Variants in GFAP observed in about 807,000 individuals in gnomAD.
The protein encoded by GFAP is glial fibrillary acidic protein.
A neutral mutation model predicts 49.3 loss-of-function variants in GFAP; 38 were observed. The observed-to-expected ratio is 0.77, with a 90% CI of 0.60 to 1.01. GFAP has a LOEUF of 1.01. Among genes scored for constraint, GFAP ranks in the 50% least tolerant of loss-of-function variants. The probability of loss-of-function intolerance (pLI) is 0.00; values close to 1 mark genes in which losing one functional copy is unlikely to be tolerated. For missense variants in GFAP, 463 were observed against 579.1 expected (o/e 0.80, Z 2.06); for synonymous variants, 222 against 236.4 (o/e 0.94, Z 0.56).
intron 6 of GFAP, 68 bp from the exon 7 acceptor site, chr17:44,910,726 G>C (rs1012830637): frequency 6.4e-7 from 1 of 1,551,146 alleles, no homozygotes; most frequent in Non-Finnish European, 8.7e-7. Flanking sequence ...GTCTTGGTGC[G>C]GGGCCATCAT....
chr17:44,911,492 G>A (rs760144454), intron 5 of GFAP, 36 bp from the exon 6 acceptor site: 123 of 1,571,974 alleles, frequency 7.8e-5, no homozygotes, highest in Non-Finnish European at 9.1e-5. Context: ...GCGGAGCCCC[G>A]ACCCGACTTG....
chr17:44,904,981 C>T lies in GFAP; in HGVS notation c.*2366G>A, dbSNP rs1398233084. On this transcript the variant is annotated 3_prime_UTR_variant, in exon 9 of 9. Coordinates refer to ENST00000588735, the MANE Select transcript of GFAP (RefSeq NM_002055.5). ...CGGCTGTGGAGCTCACCCTGATAGG[C>T]TACCTGCTCATCACAGCAGTCTTTG... 2.7e-5 allele frequency: 42 copies of T among 1,550,816 alleles called. No individual in the cohort carries two copies. Among genetic ancestry groups the T allele is most frequent in the Non-Finnish European group, 3.6e-5 (41 of 1,147,042 alleles).
At position 44,903,159 on chromosome 17, in the gene GFAP, T is replaced by C. The variant is rs1316833535; in HGVS notation, c.*4188A>G. 4 of 1,258,818 alleles carry C rather than the reference T, an allele frequency of 3.2e-6. No homozygotes were observed. The highest frequency in any genetic ancestry group is 4.0e-6 in the Non-Finnish European group (4 of 1,003,450). The allele number at this position is 1,258,818 out of a possible 1,614,324, so 78.0% of individuals were successfully genotyped here. A position where few individuals can be genotyped will look rare whatever the true frequency, so the allele number is the denominator to read the frequency against. On this transcript the variant is annotated 3_prime_UTR_variant, in exon 9 of 9. Transcript: ENST00000588735. ...CTATACCAGTTACAGCCTCCACTCA[T>C]AAAAGGGAAAAAGCAAAATCTTTAT...
At chr17:44,908,319 C>T (rs2051686586) in intron 7 of GFAP, 170 bp from the exon 8 acceptor site, 1 of 415,852 alleles carries the variant, frequency 2.4e-6, no homozygotes, top group Admixed American at 4.2e-5. Flanking sequence ...CCCCCAAATC[C>T]CAATAGTGCT....
rs376176156 is a variant in GFAP at position 44,904,678 on chromosome 17, T to C, written c.*2669A>G. 1.9e-3 allele frequency: 2,998 copies of C among 1,550,576 alleles called. 49 individuals are homozygous for C. In the South Asian group the frequency reaches 0.021, roughly 11 times the overall value. Reference sequence around the variant, plus strand: ...AGTTCCACCAGCAGAGACTGGGCCATGGACTCATCATCTCCTGTCCTGGGG... The same window carrying C: ...AGTTCCACCAGCAGAGACTGGGCCACGGACTCATCATCTCCTGTCCTGGGG... On this transcript the variant is annotated 3_prime_UTR_variant, in exon 9 of 9. Transcript: ENST00000588735.
chr17:44,904,399 C>G lies in GFAP; in HGVS notation c.*2948G>C. The stretch of plus-strand genomic sequence containing the variant: ...GAGTGCGTGGGGAGCAGTGGCGCAT[C>G]GGCCTCTGCTACCTGCAGAGCCCAG... On this transcript the variant is annotated 3_prime_UTR_variant, in exon 9 of 9. Transcript: ENST00000588735. 1 of 1,542,044 alleles carries G rather than the reference C, an allele frequency of 6.5e-7. No homozygotes were observed. Among genetic ancestry groups the G allele is most frequent in the Non-Finnish European group, 8.8e-7 (1 of 1,140,688 alleles).
At position 44,911,582 on chromosome 17, in the gene GFAP, A is replaced by G; in HGVS notation, c.906+90T>C. 16 of 1,583,202 alleles carry G rather than the reference A, an allele frequency of 1.0e-5. 1 individual carries two copies. The South Asian group carries it at 1.8e-4, about 18-fold the overall frequency. ...AACGTTCAGGCCCCGCCCTCGACCC[A>G]GGTCCTCGTCCCTGGCCCTTCTCCC... On this transcript the variant is annotated intron_variant, in intron 5 of 8. Transcript: ENST00000588735.
At chr17:44,909,757 A>G in intron 7 of GFAP, 2 of 1,081,740 alleles carry the variant, frequency 1.8e-6, no homozygotes, top group South Asian at 6.2e-5. Flanking sequence ...CTGAGTCAGC[A>G]CTGAGCTGAG....
chr17:44,911,734 C>T lies in GFAP; in HGVS notation c.844G>A (p.Ala282Thr). ...AELLRQAKHE[A>T]NDYRRQLQSL... ...TGCAACTGGCGCCGGTAGTCGTTGG[C>T]TTCGTGCTTGGCCTGGCGGAGCAGC... The change falls in exon 5 of 9, where the codon GCC becomes ACC. Residue 282 changes from alanine (A) to threonine (T), a missense_variant. Ala to Thr is a moderately conservative substitution (Grantham distance 58). Transcript: ENST00000588735. 1 of 1,614,054 alleles carries T rather than the reference C, an allele frequency of 6.2e-7. No homozygotes were observed. Among genetic ancestry groups the T allele is most frequent in the South Asian group, 1.1e-5 (1 of 91,090 alleles).
chr17:44,903,241 A>G lies in GFAP; in HGVS notation c.*4106T>C. The G allele has an allele frequency of 8.0e-7, 1 of 1,253,150 alleles. No individual in the cohort carries two copies. The highest frequency in any genetic ancestry group is 3.8e-5 in the South Asian group (1 of 26,464). 77.6% of individuals were successfully genotyped at this position (1,253,150 alleles called of 1,614,324 possible). A position where few individuals can be genotyped will look rare whatever the true frequency, so the allele number is the denominator to read the frequency against. On this transcript the variant is annotated 3_prime_UTR_variant, in exon 9 of 9. Transcript: ENST00000588735. ...ACAAGAATGTTTATAGCCCCAAACC[A>G]ATGAATGGACATGTAATCAACAAAT...
At chr17:44,908,001 T>C (rs1032283348) in intron 8 of GFAP, 63 bp downstream of exon 8, 2 of 1,136,804 alleles carry the variant, frequency 1.8e-6, no homozygotes, top group Non-Finnish European at 2.7e-6. Flanking sequence ...CTTTCCTCCA[T>C]GGCCTGGCCT....
Position 44,904,717 on chromosome 17 carries a change from T to C in GFAP, c.*2630A>G, listed in dbSNP as rs1200260921. The C allele has an allele frequency of 3.2e-6, 5 of 1,550,558 alleles. No homozygotes were observed. The highest frequency in any genetic ancestry group is 1.2e-5 in the South Asian group (1 of 84,062). On this transcript the variant is annotated 3_prime_UTR_variant, in exon 9 of 9. Transcript: ENST00000588735. ...CCTGTCCTGGGGCCCGGCCAGAGCATGCAGTGGCCTGGGACAAAGACCGCC... is the reference window on the plus strand; with the variant it reads ...CCTGTCCTGGGGCCCGGCCAGAGCACGCAGTGGCCTGGGACAAAGACCGCC...
At position 44,906,015 on chromosome 17, in the gene GFAP, C is replaced by A. The variant is rs1284147646; in HGVS notation, c.*1332G>T. 2 of 152,162 alleles carry A rather than the reference C, an allele frequency of 1.3e-5. No individual in the cohort carries two copies. The highest frequency in any genetic ancestry group is 1.3e-4 in the Admixed American group (2 of 15,280). The allele number at this position is 152,162 out of a possible 1,614,324, so 9.4% of individuals were successfully genotyped here. Reference sequence around the variant, plus strand: ...AGGGCACTACCTAGAATACTGGGTACATTTTGTGTGTGAGTAAGAAGGGAC... The same window carrying A: ...AGGGCACTACCTAGAATACTGGGTAAATTTTGTGTGTGAGTAAGAAGGGAC... On this transcript the variant is annotated 3_prime_UTR_variant, in exon 9 of 9. Transcript: ENST00000588735.
rs1176227153 is a variant in GFAP at position 44,904,957 on chromosome 17, G to A, written c.*2390C>T. The A allele has an allele frequency of 5.2e-6, 8 of 1,550,626 alleles. No individual in the cohort carries two copies. The highest frequency in any genetic ancestry group is 1.2e-5 in the South Asian group (1 of 84,056). ...CGTTCTCAGATCCTGAGACTCGCTC[G>A]GCTGTGGAGCTCACCCTGATAGGCT... On this transcript the variant is annotated 3_prime_UTR_variant, in exon 9 of 9. Transcript: ENST00000588735.
rs369389003 is a variant in GFAP at position 44,907,302 on chromosome 17, G to A, written c.*45C>T. 9.1e-5 allele frequency: 144 copies of A among 1,590,716 alleles called. No homozygotes were observed. The highest frequency in any genetic ancestry group is 1.2e-4 in the Non-Finnish European group (135 of 1,159,146). On this transcript the variant is annotated 3_prime_UTR_variant, in exon 9 of 9. Transcript: ENST00000588735. ...CGGAGCAACTATCCTGCTTCTGCTC[G>A]GGCCCCTCATGAGACGGGGCAGAGG...
rs267604911 is a variant in GFAP, at chr17:44,908,145, G to A, written c.1176C>T (p.Thr392=). The A allele has an allele frequency of 1.9e-6, 3 of 1,607,630 alleles. No individual in the cohort carries two copies. The change falls in exon 8 of 9, where the codon ACC becomes ACT. Residue 392 remains threonine (T), a synonymous_variant. Coordinates refer to ENST00000588735, the MANE Select transcript of GFAP (RefSeq NM_002055.5). ...CTGACACAGACTTGGTGTCCAGGCTGGTTTCTGCAGATGTGGGGAGAGGAG... is the reference window on the plus strand; with the variant it reads ...CTGACACAGACTTGGTGTCCAGGCTAGTTTCTGCAGATGTGGGGAGAGGAG... The part of the protein sequence containing the change: ...QTFSNLQIRE[T]SLDTKSVSEG...
rs1039167658 is a variant in GFAP at position 44,911,870 on chromosome 17, G to T, written c.781-73C>A. On this transcript the variant is annotated intron_variant, in intron 4 of 8. Coordinates refer to ENST00000588735, the MANE Select transcript of GFAP (RefSeq NM_002055.5). ...ACGGGCTCTGGGAAATCAGGGAGGTGAGCAGCACCCCAGTTAACCCCAGGA... is the reference window on the plus strand; with the variant it reads ...ACGGGCTCTGGGAAATCAGGGAGGTTAGCAGCACCCCAGTTAACCCCAGGA... 5.2e-6 allele frequency: 8 copies of T among 1,528,858 alleles called. No homozygotes were observed. The African/African-American group carries it at 9.5e-5, about 18-fold the overall frequency. The allele number at this position is 1,528,858 out of a possible 1,614,324, so 94.7% of individuals were successfully genotyped here.
chr17:44,914,234 TAGAC>T (rs1377108170), intron 1 of GFAP, 146 bp from the exon 2 acceptor site: 1 of 639,598 alleles, frequency 1.6e-6, no homozygotes, highest in Non-Finnish European at 2.8e-6. Context: ...TGGGGGGCCT[TAGAC>T]AGAGGACTTG....
chr17:44,911,409 C>A lies in GFAP; in HGVS notation c.954G>T (p.Val318=), dbSNP rs1301782530. 1 of 1,613,000 alleles carries A rather than the reference C, an allele frequency of 6.2e-7. No individual in the cohort carries two copies. The highest frequency in any genetic ancestry group is 8.5e-7 in the Non-Finnish European group (1 of 1,179,650). Residue 318 remains valine (V), a synonymous_variant, in exon 6 of 9, where the codon GTG becomes GTT. Coordinates refer to ENST00000588735, the MANE Select transcript of GFAP (RefSeq NM_002055.5). ...RQMREQEERH[V]REAASYQEAL... ...CCTCCTGATAACTGGCCGCCTCCCG[C>A]ACGTGCCGCTCCTCCTGCTCGCGCA...
Sources: allele counts gnomAD v4.1 joint callset, GRCh38; gene constraint gnomAD v4.1.1; transcripts MANE v1.5; gene names NCBI Gene and HGNC (gene_info 2026-07-23, HGNC 2026-07-21).